NKAIN3: variants seen among roughly 807,000 people sequenced by gnomAD.
NKAIN3 encodes sodium/potassium-transporting ATPase subunit beta-1-interacting protein 3.
In NKAIN3, 25 loss-of-function variants were observed where a neutral mutation model predicts 30.2. That is an observed-to-expected ratio of 0.83 (90% confidence interval 0.60 to 1.16). The LOEUF is 1.16. Ranked by LOEUF, NKAIN3 falls within the 50% of genes most tolerant of loss-of-function variation. NKAIN3 has a pLI of 0.00. For synonymous variants in NKAIN3, 91 were observed against 89.6 expected (o/e 1.02, Z -0.09); for missense variants, 225 against 254.1 (o/e 0.89, Z 0.78).
At chr8:62,608,120 CTT>C (rs199724376) in intron 3 of NKAIN3, among the ~76,000 whole-genome samples, 2,135 of 152,220 alleles carry the variant, frequency 0.014, 46 homozygotes, top group African/African-American at 0.048. Flanking sequence ...TACTTTCTTT[CTT>C]CTTCTTTTCA....
At chr8:62,826,142 A>G (rs983455501) in intron 4 of NKAIN3, among the ~76,000 whole-genome samples, 18 of 152,152 alleles carry the variant, frequency 1.2e-4, no homozygotes, top group Non-Finnish European at 2.6e-4. Context: ...ACTGCACTTT[A>G]ATAACCTATG....
chr8:62,285,248 A>G (rs901958431), intron 1 of NKAIN3, among the ~76,000 whole-genome samples: 4 of 152,332 alleles, frequency 2.6e-5, no homozygotes, highest in Admixed American at 2.0e-4. Flanking sequence ...GTTGCCAGCT[A>G]TAAAATCTTG....
rs569201051 is a variant in NKAIN3, at chr8:62,413,140, C to G, written c.54+164013C>G. On this transcript the variant is annotated intron_variant, in intron 1 of 6. Coordinates refer to ENST00000623646, the MANE Select transcript of NKAIN3 (RefSeq NM_001304533.3). ...AATGACTATCATTAAAAAGTCAAAA[C>G]CGACAGATGCTGGCCAGGCTGTAGA... Among the ~76,000 whole-genome samples the G allele has an allele frequency of 2.0e-5, 3 of 152,178 alleles. No homozygotes were observed. The East Asian group carries it at 5.8e-4, about 29-fold the overall frequency.
intron 1 of NKAIN3, among the ~76,000 whole-genome samples, chr8:62,492,268 C>T (rs1375380254): frequency 6.6e-6 from 1 of 152,036 alleles, no homozygotes; most frequent in Non-Finnish European, 1.5e-5. Flanking sequence ...GTGTAGAGTG[C>T]AGTATTTATT....
intron 3 of NKAIN3, among the ~76,000 whole-genome samples, chr8:62,659,291 C>G (rs1812865467): frequency 1.3e-5 from 2 of 152,224 alleles, no homozygotes; most frequent in Admixed American, 1.3e-4. Context: ...CCACAAAGAG[C>G]CTCCGGCTCT....
chr8:62,356,200 A>G (rs1210454095), intron 1 of NKAIN3, among the ~76,000 whole-genome samples: 1 of 152,204 alleles, frequency 6.6e-6, no homozygotes, highest in African/African-American at 2.4e-5. Context: ...CTTCCTAAGA[A>G]CTTGAATATA....
chr8:62,567,520 A>C (rs555279995), intron 1 of NKAIN3, among the ~76,000 whole-genome samples: 1 of 152,170 alleles, frequency 6.6e-6, no homozygotes, highest in Non-Finnish European at 1.5e-5. Context: ...CTGGAAATTG[A>C]AAGTTTTCCT....
intron 1 of NKAIN3, among the ~76,000 whole-genome samples, chr8:62,440,541 T>G (rs1805291576): frequency 6.6e-6 from 1 of 152,304 alleles, no homozygotes; most frequent in African/African-American, 2.4e-5. Context: ...TCATTGCCAT[T>G]ATATGTCCTT....
intron 4 of NKAIN3, among the ~76,000 whole-genome samples, chr8:62,804,790 G>A (rs1430075272): frequency 1.3e-5 from 2 of 152,146 alleles, no homozygotes; most frequent in Non-Finnish European, 2.9e-5. Context: ...AGTGTTGGAA[G>A]TTCTGGCCAG....
chr8:62,436,553 T>G (rs1411098724), intron 1 of NKAIN3, among the ~76,000 whole-genome samples: 1 of 152,184 alleles, frequency 6.6e-6, no homozygotes, highest in East Asian at 1.9e-4. Context: ...TAACTGTGGA[T>G]AGATATCCAT....
chr8:62,784,481 TTA>T (rs1433561266), intron 4 of NKAIN3, among the ~76,000 whole-genome samples: 1 of 151,812 alleles, frequency 6.6e-6, no homozygotes, highest in Non-Finnish European at 1.5e-5. Flanking sequence ...TTTTAAAAGA[TTA>T]TAAGATAATA....
At position 62,345,470 on chromosome 8, in the gene NKAIN3, T is replaced by TAC. The variant is rs1197442135; in HGVS notation, c.54+96344_54+96345insCA. Among the ~76,000 whole-genome samples the TAC allele has an allele frequency of 5.8e-4, 14 of 24,238 alleles. 1 individual carries two copies. Among genetic ancestry groups the TAC allele is most frequent in the East Asian group, 4.5e-3 (2 of 448 alleles). 15.9% of individuals were successfully genotyped at this position (24,238 alleles called of 152,430 possible). On this transcript the variant is annotated intron_variant, in intron 1 of 6. Coordinates refer to ENST00000623646, the MANE Select transcript of NKAIN3 (RefSeq NM_001304533.3). ...ACACACATATGTATATATACACATA[T>TAC]ATACACATATATGTATATATACACA...
intron 3 of NKAIN3, among the ~76,000 whole-genome samples, chr8:62,642,893 C>G (rs1435838684): frequency 6.6e-6 from 1 of 151,942 alleles, no homozygotes; most frequent in Non-Finnish European, 1.5e-5. Context: ...AAGAGGCATG[C>G]ATTTTCTATA....
intron 4 of NKAIN3, among the ~76,000 whole-genome samples, chr8:62,918,162 A>C (rs1160494175): frequency 6.6e-6 from 1 of 152,210 alleles, no homozygotes; most frequent in African/African-American, 2.4e-5. Flanking sequence ...ATTTCTTAAT[A>C]ATCTTTGCTG....
chr8:62,589,719 A>G lies in NKAIN3; in HGVS notation c.198A>G (p.Thr66=). 6.4e-7 allele frequency: 1 copy of G among 1,565,076 alleles called. No individual in the cohort carries two copies. Among genetic ancestry groups the G allele is most frequent in the East Asian group, 2.3e-5 (1 of 44,240 alleles). The change falls in exon 3 of 7, where the codon ACA becomes ACG. Residue 66 remains threonine, a synonymous_variant. Coordinates refer to ENST00000623646, the MANE Select transcript of NKAIN3 (RefSeq NM_001304533.3). ...CCTCCCCCATTTCTATCTAGTATAC[A>G]GTGTGGACTGCCCTCTGGGTCACCT... ...QYRPRYIMVY[T]VWTALWVTWN...
chr8:62,684,665 G>A (rs1350157105), intron 3 of NKAIN3, among the ~76,000 whole-genome samples: 1 of 152,202 alleles, frequency 6.6e-6, no homozygotes, highest in East Asian at 1.9e-4. Context: ...AAACTACTAT[G>A]TTGAAGCCCT....
At chr8:62,392,295 TATC>T (rs1221617724) in intron 1 of NKAIN3, among the ~76,000 whole-genome samples, 1 of 152,072 alleles carries the variant, frequency 6.6e-6, no homozygotes, top group Non-Finnish European at 1.5e-5. Flanking sequence ...ATATTTATTA[TATC>T]ATCATAAAGA....
rs4737607 is a variant in NKAIN3 at position 62,672,621 on chromosome 8, G to C, written c.274-74311G>C. Among the ~76,000 whole-genome samples the C allele has an allele frequency of 3.6e-3, 548 of 152,266 alleles. 4 individuals carry two copies. Among genetic ancestry groups the C allele is most frequent in the Admixed American group, 0.027 (412 of 15,296 alleles). On this transcript the variant is annotated intron_variant, in intron 3 of 6. Transcript: ENST00000623646. ...TCACCTTGTCTACAAGATGTGAGTG[G>C]ATGAGTCCTTGATCAGGCACAGGCT...
chr8:62,286,235 G>T (rs1163893684), intron 1 of NKAIN3, among the ~76,000 whole-genome samples: 1 of 152,092 alleles, frequency 6.6e-6, no homozygotes, highest in Non-Finnish European at 1.5e-5. Flanking sequence ...AAATTGTGCA[G>T]GATTTAGTTT....
Sources: allele counts gnomAD v4.1 joint callset (sites outside exome capture counted in the v4.1 genomes callset), GRCh38; gene constraint gnomAD v4.1.1; transcripts MANE v1.5; gene names NCBI Gene and HGNC (gene_info 2026-07-23, HGNC 2026-07-21).